Variants in HS6ST3 observed in about 807,000 individuals in gnomAD.
HS6ST3 encodes heparan-sulfate 6-O-sulfotransferase 3.
HS6ST3 carries 12 observed loss-of-function variants against 36.7 expected under a neutral mutation model. The observed-to-expected ratio is 0.33, with a 90% CI of 0.21 to 0.53. The LOEUF (loss-of-function observed/expected upper bound fraction) is 0.53, where lower values mean the gene tolerates loss of function less well. Ranked by LOEUF, HS6ST3 falls within the 20% of genes least tolerant of loss-of-function variation. The pLI is 0.95. For synonymous variants in HS6ST3, 240 were observed against 257.5 expected, an observed-to-expected ratio of 0.93 and a Z score of 0.65; for missense variants, 584 against 640.9, an observed-to-expected ratio of 0.91 and a Z score of 0.96.
At position 96,314,837 on chromosome 13, in the gene HS6ST3, A is replaced by G. The variant is rs2054960111; in HGVS notation, c.707+223268A>G. 2.6e-5 allele frequency among the ~76,000 whole-genome samples: 4 copies of G among 152,312 alleles called. No homozygotes were observed. In the South Asian group the frequency reaches 8.3e-4, roughly 32 times the overall value. Reference sequence around the variant, plus strand: ...ATTGGCCAGGGAGTCAGATGCAAATATTTCATTTTATTACTGATTCTTAAA... The same window carrying G: ...ATTGGCCAGGGAGTCAGATGCAAATGTTTCATTTTATTACTGATTCTTAAA... On this transcript the variant is annotated intron_variant, in intron 1 of 1. Coordinates refer to ENST00000376705, the MANE Select transcript of HS6ST3 (RefSeq NM_153456.4).
intron 1 of HS6ST3, among the ~76,000 whole-genome samples, chr13:96,412,839 T>A (rs2055514465): frequency 6.7e-6 from 1 of 149,950 alleles, no homozygotes; most frequent in Non-Finnish European, 1.5e-5. Context: ...ATATACAGTA[T>A]ATTATATATA....
In HS6ST3 at chr13:96,375,814, T is replaced by C. The variant is rs141945863; in HGVS notation, c.707+284245T>C. Among the ~76,000 whole-genome samples the C allele has an allele frequency of 1.2e-3, 190 of 152,342 alleles. 1 individual carries two copies. The highest frequency in any genetic ancestry group is 4.3e-3 in the African/African-American group (180 of 41,586). ...AGTCAAATGTTATTGGTGAAGATTT[T>C]CTTTACGAATATTGCTGTTTGTGAC... On this transcript the variant is annotated intron_variant, in intron 1 of 1. Transcript: ENST00000376705.
At chr13:96,799,787 A>T (rs937730562) in intron 1 of HS6ST3, among the ~76,000 whole-genome samples, 11 of 150,462 alleles carry the variant, frequency 7.3e-5, no homozygotes, top group Non-Finnish European at 1.3e-4. Flanking sequence ...ATAATAATAA[A>T]AAAAAAAAAC....
chr13:96,277,713 A>C (rs1196038429), intron 1 of HS6ST3, among the ~76,000 whole-genome samples: 1 of 152,180 alleles, frequency 6.6e-6, no homozygotes, highest in Admixed American at 6.6e-5. Context: ...TTTATACTAC[A>C]ATTACCGCTA....
intron 1 of HS6ST3, among the ~76,000 whole-genome samples, chr13:96,597,113 T>G (rs918629451): frequency 4.6e-5 from 7 of 152,126 alleles, no homozygotes; most frequent in African/African-American, 1.7e-4. Context: ...CCACATGTTC[T>G]CACTTTTAAA....
intron 1 of HS6ST3, among the ~76,000 whole-genome samples, chr13:96,807,467 C>G (rs1234865312): frequency 6.6e-6 from 1 of 152,066 alleles, no homozygotes; most frequent in Non-Finnish European, 1.5e-5. Flanking sequence ...TGGACACAGA[C>G]AAGCACACAG....
At position 96,833,129 on chromosome 13, in the gene HS6ST3, G is replaced by T; in HGVS notation, c.1347G>T (p.Trp449Cys). The T allele has an allele frequency of 6.2e-7, 1 of 1,601,198 alleles. No homozygotes were observed. Among genetic ancestry groups the T allele is most frequent in the Non-Finnish European group, 8.5e-7 (1 of 1,179,454 alleles). The change falls in exon 2 of 2, where the codon TGG (tryptophan) becomes TGT (cysteine). Residue 449 changes from tryptophan to cysteine, a missense_variant. Physicochemically the swap from Trp to Cys is radical, Grantham distance 215 (BLOSUM62 -2). This residue lies in a region of HS6ST3 where 360 missense variants were observed against 411.3 expected (regional missense o/e 0.88). Transcript: ENST00000376705. The stretch of plus-strand genomic sequence containing the variant: ...AGCGAGAGCACAGGGACCACCAGTG[G>T]CCCAAAGAAGATGGGGCTGCAGAAG... ...RLQREHRDHQ[W>C]PKEDGAAEGT...
chr13:96,335,679 A>G (rs1475865165), intron 1 of HS6ST3, among the ~76,000 whole-genome samples: 3 of 152,340 alleles, frequency 2.0e-5, no homozygotes, highest in Non-Finnish European at 2.9e-5. Context: ...GTACCCACCC[A>G]CAGAGTGTAG....
intron 1 of HS6ST3, among the ~76,000 whole-genome samples, chr13:96,594,400 C>G (rs1322799213): frequency 6.6e-6 from 1 of 151,994 alleles, no homozygotes; most frequent in Admixed American, 6.6e-5. Flanking sequence ...TTCTCTCTTG[C>G]TGTCTTCCTT....
intron 1 of HS6ST3, among the ~76,000 whole-genome samples, chr13:96,762,467 G>T (rs990648177): frequency 1.3e-5 from 2 of 152,154 alleles, no homozygotes; most frequent in African/African-American, 4.8e-5. Flanking sequence ...GTGACAGAGT[G>T]AGACTCCATC....
At chr13:96,807,050 C>T (rs1446589228) in intron 1 of HS6ST3, among the ~76,000 whole-genome samples, 2 of 152,198 alleles carry the variant, frequency 1.3e-5, no homozygotes, top group South Asian at 4.1e-4. Context: ...CTTAAATTCT[C>T]TGTGGCTTAT....
intron 1 of HS6ST3, among the ~76,000 whole-genome samples, chr13:96,399,662 C>G (rs1246341029): frequency 6.6e-6 from 1 of 152,234 alleles, no homozygotes; most frequent in African/African-American, 2.4e-5. Context: ...TATCACTGAC[C>G]ATTGCCAGAT....
At chr13:96,427,077 ATTTGG>A (rs1216631689) in intron 1 of HS6ST3, among the ~76,000 whole-genome samples, 1 of 152,200 alleles carries the variant, frequency 6.6e-6, no homozygotes, top group East Asian at 1.9e-4. Flanking sequence ...TGATTCCAAT[ATTTGG>A]CTAAGAATGA....
intron 1 of HS6ST3, among the ~76,000 whole-genome samples, chr13:96,572,623 A>G (rs1186287554): frequency 2.0e-5 from 3 of 147,964 alleles, no homozygotes; most frequent in South Asian, 2.1e-4. Flanking sequence ...TTTTTTGCCA[A>G]TTCACTTGTC....
At chr13:96,305,186 A>T (rs973805399) in intron 1 of HS6ST3, among the ~76,000 whole-genome samples, 1 of 152,114 alleles carries the variant, frequency 6.6e-6, no homozygotes, top group African/African-American at 2.4e-5. Context: ...TTGGAAAAAA[A>T]TTAGGGAAAT....
intron 1 of HS6ST3, among the ~76,000 whole-genome samples, chr13:96,583,585 A>G (rs1242758969): frequency 6.6e-6 from 1 of 151,788 alleles, no homozygotes; most frequent in African/African-American, 2.4e-5. Context: ...GTTCTGCCCA[A>G]CCTCATTTTG....
chr13:96,105,518 G>C (rs551987051), intron 1 of HS6ST3, among the ~76,000 whole-genome samples: 7 of 152,200 alleles, frequency 4.6e-5, no homozygotes, highest in African/African-American at 1.7e-4. Flanking sequence ...AGGCATGGTG[G>C]TGGGTGCCTG....
intron 1 of HS6ST3, among the ~76,000 whole-genome samples, chr13:96,445,342 G>GTATCC (rs2055692997): frequency 2.0e-5 from 3 of 152,054 alleles, no homozygotes; most frequent in African/African-American, 4.8e-5. Flanking sequence ...CAAGGTATAT[G>GTATCC]ACAGCTAAAT....
intron 1 of HS6ST3, among the ~76,000 whole-genome samples, chr13:96,562,470 T>C (rs148102529): frequency 5.9e-5 from 9 of 151,908 alleles, no homozygotes; most frequent in Non-Finnish European, 1.2e-4. Context: ...CATCACAAAA[T>C]ACACCCACAT....
Sources: gnomAD v4.1 joint callset for allele counts (sites outside exome capture counted in the v4.1 genomes callset) on GRCh38, gnomAD v4.1.1 for gene constraint, gnomAD v4.1.1 regional missense constraint, MANE v1.5 for transcripts, NCBI Gene and HGNC (gene_info 2026-07-23, HGNC 2026-07-21) for gene names.